The following TNIP3 variants were observed in gnomAD, a reference collection of about 807,000 sequenced individuals.
TNIP3 encodes the protein TNFAIP3-interacting protein 3.
TNIP3 carries 34 observed loss-of-function variants against 54.1 expected under a neutral mutation model. The observed-to-expected ratio is 0.63, with a 90% confidence interval of 0.48 to 0.84. The LOEUF (loss-of-function observed/expected upper bound fraction) is 0.84, where lower values mean the gene tolerates loss of function less well. TNIP3 is among the 40% of genes least tolerant of loss of function. The pLI, the probability that TNIP3 is intolerant of heterozygous loss-of-function variation, is 0.00. For synonymous variants in TNIP3, 134 were observed against 136.8 expected (o/e 0.98, Z 0.14); for missense variants, 366 against 387.6 (o/e 0.94, Z 0.47).
chr4:121,218,533 C>G (rs1185378857), upstream of TNIP3, among the ~76,000 whole-genome samples: 1 of 148,284 alleles, frequency 6.7e-6, no homozygotes, highest in Non-Finnish European at 1.5e-5. Flanking sequence ...TTCCTCCCTC[C>G]CTCCCTTCCT....
upstream of TNIP3, among the ~76,000 whole-genome samples, chr4:121,220,771 C>A (rs1726994685): frequency 6.6e-6 from 1 of 152,144 alleles, no homozygotes; most frequent in Non-Finnish European, 1.5e-5. Flanking sequence ...TAGCTGTGAG[C>A]ATTCAGCGTG....
At chr4:121,189,214 G>A (rs1012063541) in intron 2 of TNIP3, among the ~76,000 whole-genome samples, 8 of 152,062 alleles carry the variant, frequency 5.3e-5, no homozygotes, top group Non-Finnish European at 7.4e-5. Context: ...CCACACACTC[G>A]CCTACCTCAA....
At chr4:121,162,726 G>A (rs1730527384) in intron 1 of TNIP3, among the ~76,000 whole-genome samples, 1 of 152,198 alleles carries the variant, frequency 6.6e-6, no homozygotes, top group East Asian at 1.9e-4. Flanking sequence ...TAAACATAGA[G>A]CATCCTGAAC....
At chr4:121,155,620 C>T (rs1158458137) in intron 4 of TNIP3, among the ~76,000 whole-genome samples, 3 of 152,130 alleles carry the variant, frequency 2.0e-5, no homozygotes, top group African/African-American at 4.8e-5. Flanking sequence ...AGGTTAGCTG[C>T]GTAAACATCA....
chr4:121,198,957 C>T (rs1302526540), intron 2 of TNIP3, among the ~76,000 whole-genome samples: 1 of 152,030 alleles, frequency 6.6e-6, no homozygotes, highest in African/African-American at 2.4e-5. Context: ...ACATGTAAAC[C>T]TTTAAAAGAC....
At chr4:121,138,835 T>A (rs1728942302) in intron 9 of TNIP3, 151 bp from the exon 10 acceptor site, 1 of 699,966 alleles carries the variant, frequency 1.4e-6, no homozygotes, top group East Asian at 2.6e-5. Flanking sequence ...TCATCCTGCT[T>A]ACCCCCCATC....
chr4:121,216,681 T>G, upstream of TNIP3: 1 of 1,383,354 alleles, frequency 7.2e-7, no homozygotes, highest in Non-Finnish European at 9.4e-7. Flanking sequence ...AAGCCTGCCT[T>G]CTGCCTAGTT....
rs769508448 is a variant in TNIP3 at position 121,132,705 on chromosome 4, A to T, written c.947-43T>A. On this transcript the variant is annotated intron_variant, in intron 10 of 10. Transcript: ENST00000057513. ...AAAATGTTTTAGATTAAAAATTAAC[A>T]TTTCATTTCTCTTCTTCTGGCTTAA... 9 of 1,548,398 alleles carry T rather than the reference A, an allele frequency of 5.8e-6. No homozygotes were observed. In the South Asian group the frequency reaches 6.7e-5, roughly 12 times the overall value.
intron 1 of TNIP3, among the ~76,000 whole-genome samples, chr4:121,161,882 A>G (rs1469674156): frequency 6.6e-6 from 1 of 152,202 alleles, no homozygotes; most frequent in Non-Finnish European, 1.5e-5. Flanking sequence ...TTTAAAGATA[A>G]CACAAAAGCT....
upstream of TNIP3, among the ~76,000 whole-genome samples, chr4:121,221,348 A>G (rs1727016655): frequency 6.6e-6 from 1 of 152,182 alleles, no homozygotes; most frequent in African/African-American, 2.4e-5. Context: ...ATTAAAAAAG[A>G]AAAAGGAATT....
In TNIP3 at chr4:121,216,336, A is replaced by G. The variant is rs894698117; in HGVS notation, c.68+79T>C. ...GCTTCTCTTCTACTCTTAATACACT[A>G]TCATTGCCACAAAGCAGAAGTGCTC... On this transcript the variant is annotated intron_variant, in intron 2 of 12. Coordinates refer to the TNIP3 transcript ENST00000507879. 42 of 1,232,336 alleles carry G rather than the reference A, an allele frequency of 3.4e-5. 1 individual carries two copies. The highest frequency in any genetic ancestry group is 5.4e-4 in the Middle Eastern group (2 of 3,736). 76.3% of individuals were successfully genotyped at this position (1,232,336 alleles called of 1,614,324 possible). A position where few individuals can be genotyped will look rare whatever the true frequency, so the allele number is the denominator to read the frequency against.
chr4:121,142,580 G>A (rs3817171), intron 8 of TNIP3, 146 bp downstream of exon 8: 157,902 of 717,416 alleles, frequency 0.22, 18,840 homozygotes, highest in Middle Eastern at 0.28. Flanking sequence ...CCTAAGCACT[G>A]TCTATCCGTT....
At position 121,132,366 on chromosome 4, in the gene TNIP3, G is replaced by A. The variant is rs967576224; in HGVS notation, c.*265C>T. The A allele has an allele frequency of 1.1e-5, 5 of 441,082 alleles. No individual in the cohort carries two copies. Among genetic ancestry groups the A allele is most frequent in the East Asian group, 3.7e-5 (1 of 27,366 alleles). The allele number at this position is 441,082 out of a possible 1,614,324, so 27.3% of individuals were successfully genotyped here. A position where few individuals can be genotyped will look rare whatever the true frequency, so the allele number is the denominator to read the frequency against. The stretch of plus-strand genomic sequence containing the variant: ...ATGCTGAAGAGATTTTCAGGGAGTC[G>A]TGCATCATCCATCTGCCAAGTCTCA... On this transcript the variant is annotated 3_prime_UTR_variant, in exon 11 of 11. Transcript: ENST00000057513.
At chr4:121,172,745 CAG>C (rs1263256610) in intron 3 of TNIP3, among the ~76,000 whole-genome samples, 1 of 152,002 alleles carries the variant, frequency 6.6e-6, no homozygotes, top group Non-Finnish European at 1.5e-5. Flanking sequence ...TGTGTAGGGA[CAG>C]GGGATAATTC....
At chr4:121,208,178 C>T (rs960744444) in intron 2 of TNIP3, among the ~76,000 whole-genome samples, 10 of 152,030 alleles carry the variant, frequency 6.6e-5, no homozygotes, top group African/African-American at 2.2e-4. Context: ...CAAAATAAAC[C>T]CCCTTCTACC....
At chr4:121,188,357 T>C (rs1185057615) in intron 2 of TNIP3, among the ~76,000 whole-genome samples, 1 of 152,134 alleles carries the variant, frequency 6.6e-6, no homozygotes, top group African/African-American at 2.4e-5. Context: ...GAACTGTTTT[T>C]CCCAGACTAA....
intron 2 of TNIP3, among the ~76,000 whole-genome samples, chr4:121,200,299 T>C (rs1725812299): frequency 6.6e-6 from 1 of 151,996 alleles, no homozygotes; most frequent in African/African-American, 2.4e-5. Flanking sequence ...AAATTCCCTT[T>C]TGCATAATCC....
intron 3 of TNIP3, among the ~76,000 whole-genome samples, chr4:121,181,760 A>G (rs1268868819): frequency 1.3e-5 from 2 of 152,102 alleles, no homozygotes; most frequent in African/African-American, 4.8e-5. Context: ...TGAGGCCTAT[A>G]CAATTCTGGG....
At chr4:121,160,031 C>T (rs899240109) in intron 2 of TNIP3, among the ~76,000 whole-genome samples, 1 of 152,132 alleles carries the variant, frequency 6.6e-6, no homozygotes, top group African/African-American at 2.4e-5. Context: ...ACTCTGTTGG[C>T]ATTTTAGGGA....
Sources: allele counts gnomAD v4.1 joint callset (sites outside exome capture counted in the v4.1 genomes callset), GRCh38; gene constraint gnomAD v4.1.1; transcripts MANE v1.5; gene names NCBI Gene and HGNC (gene_info 2026-07-23, HGNC 2026-07-21).